TCF7L1: variants seen among roughly 807,000 people sequenced by gnomAD.
TCF7L1 encodes the protein transcription factor 7-like 1.
A neutral mutation model predicts 63.7 loss-of-function variants in TCF7L1; 18 were observed. The ratio of observed to expected loss-of-function variants is 0.28; its 90% CI spans 0.20 to 0.42. TCF7L1 has a LOEUF of 0.42. Among genes scored for constraint, TCF7L1 ranks in the 10% least tolerant of loss-of-function variants. The pLI, the probability that TCF7L1 is intolerant of heterozygous loss-of-function variation, is 1.00. For missense variants in TCF7L1, 654 were observed against 779.3 expected, an observed-to-expected ratio of 0.84 and a Z score of 1.91; for synonymous variants, 355 against 340.9, an observed-to-expected ratio of 1.04 and a Z score of -0.46.
intron 4 of TCF7L1, 131 bp downstream of exon 4, chr2:85,283,709 G>A (rs1681477628): frequency 2.1e-6 from 2 of 954,712 alleles, no homozygotes; most frequent in East Asian, 2.4e-5. Flanking sequence ...GTACAGTGAG[G>A]AAGAGCTGAG....
intron 3 of TCF7L1, among the ~76,000 whole-genome samples, chr2:85,244,167 T>G (rs899372498): frequency 6.6e-6 from 1 of 150,846 alleles, no homozygotes. Context: ...TGGAGCAGAG[T>G]GGGCAAGGCT....
chr2:85,258,970 G>A (rs1459187869), intron 3 of TCF7L1, among the ~76,000 whole-genome samples: 2 of 152,140 alleles, frequency 1.3e-5, no homozygotes, highest in Admixed American at 6.5e-5. Flanking sequence ...TGTACTCTTC[G>A]AGGTCTACCT....
chr2:85,310,170 C>T lies in TCF7L1; in HGVS notation c.*708C>T, dbSNP rs1271575491. The T allele has an allele frequency of 6.5e-6, 1 of 152,672 alleles. No homozygotes were observed. Among genetic ancestry groups the T allele is most frequent in the African/African-American group, 2.4e-5 (1 of 41,474 alleles). 9.5% of individuals were successfully genotyped at this position (152,672 alleles called of 1,614,324 possible). A position where few individuals can be genotyped will look rare whatever the true frequency, so the allele number is the denominator to read the frequency against. On this transcript the variant is annotated 3_prime_UTR_variant, in exon 12 of 12. Transcript: ENST00000282111. ...AGTGGCGATCATCCCTTCACAATCC[C>T]AGAGTGGCAGGCGGGACCGGCCCCA...
At chr2:85,250,276 T>A (rs1345505256) in intron 3 of TCF7L1, among the ~76,000 whole-genome samples, 1 of 152,186 alleles carries the variant, frequency 6.6e-6, no homozygotes, top group Non-Finnish European at 1.5e-5. Flanking sequence ...CAGTGCCAGC[T>A]GCTCTGGTCC....
intron 3 of TCF7L1, among the ~76,000 whole-genome samples, chr2:85,234,411 T>C (rs940867049): frequency 6.6e-6 from 1 of 152,112 alleles, no homozygotes; most frequent in African/African-American, 2.4e-5. Flanking sequence ...TGGGATTACA[T>C]GTGTGAGGCA....
intron 3 of TCF7L1, among the ~76,000 whole-genome samples, chr2:85,143,667 C>G (rs1677798108): frequency 6.6e-6 from 1 of 152,182 alleles, no homozygotes; most frequent in Non-Finnish European, 1.5e-5. Flanking sequence ...TCTAGGTCTC[C>G]CATTCTACCC....
chr2:85,187,666 T>A (rs1011044009), intron 3 of TCF7L1, among the ~76,000 whole-genome samples: 1 of 152,256 alleles, frequency 6.6e-6, no homozygotes, highest in Non-Finnish European at 1.5e-5. Flanking sequence ...TTCTCTATTG[T>A]GTTCCATTGA....
At chr2:85,285,190 G>T (rs1475094439) in intron 4 of TCF7L1, among the ~76,000 whole-genome samples, 2 of 151,794 alleles carry the variant, frequency 1.3e-5, no homozygotes, top group East Asian at 1.9e-4. Flanking sequence ...CCGAGATCGC[G>T]CCACTGCACT....
intron 3 of TCF7L1, among the ~76,000 whole-genome samples, chr2:85,182,773 C>G (rs1678833695): frequency 6.6e-6 from 1 of 152,256 alleles, no homozygotes; most frequent in African/African-American, 2.4e-5. Context: ...ACTGCCTGTT[C>G]ATTCAGGAAC....
At position 85,137,416 on chromosome 2, in the gene TCF7L1, T is replaced by G. The variant is rs187998848; in HGVS notation, c.441+2966T>G. On this transcript the variant is annotated intron_variant, in intron 3 of 11. Transcript: ENST00000282111. ...GAGAAGAGGTCCCCTCAGCATGGGA[T>G]GTGGGCCAAGTCTCTGTGAGCTGCA... 2.0e-3 allele frequency among the ~76,000 whole-genome samples: 311 copies of G among 152,312 alleles called. 1 individual carries two copies. Among genetic ancestry groups the G allele is most frequent in the African/African-American group, 6.6e-3 (275 of 41,568 alleles).
chr2:85,236,338 G>A (rs1449407075), intron 3 of TCF7L1, among the ~76,000 whole-genome samples: 1 of 152,100 alleles, frequency 6.6e-6, no homozygotes, highest in African/African-American at 2.4e-5. Context: ...AGATGACCTG[G>A]GTCACCATGG....
At chr2:85,282,794 TTG>T (rs59628868) in intron 3 of TCF7L1, among the ~76,000 whole-genome samples, 7,671 of 119,122 alleles carry the variant, frequency 0.064, 195 homozygotes, top group African/African-American at 0.084. Flanking sequence ...GAGAGAGAGA[TTG>T]TGTGTGTGTG....
intron 3 of TCF7L1, among the ~76,000 whole-genome samples, chr2:85,164,337 G>A (rs1260532458): frequency 1.3e-5 from 2 of 152,194 alleles, no homozygotes; most frequent in Non-Finnish European, 1.5e-5. Context: ...GAAGGGAGAG[G>A]TGAACTGTGA....
chr2:85,145,089 G>C (rs984981977), intron 3 of TCF7L1, among the ~76,000 whole-genome samples: 2 of 150,608 alleles, frequency 1.3e-5, no homozygotes, highest in Admixed American at 1.3e-4. Flanking sequence ...AAGAAATCAT[G>C]ACATTCCATA....
At chr2:85,249,292 G>C (rs911793993) in intron 3 of TCF7L1, among the ~76,000 whole-genome samples, 3 of 152,222 alleles carry the variant, frequency 2.0e-5, no homozygotes, top group African/African-American at 7.2e-5. Flanking sequence ...TCGCTGGCCT[G>C]TGCTGGTGTG....
At chr2:85,193,391 G>A (rs781247714) in intron 3 of TCF7L1, among the ~76,000 whole-genome samples, 5 of 152,128 alleles carry the variant, frequency 3.3e-5, no homozygotes, top group Non-Finnish European at 5.9e-5. Context: ...TTGCTCTAAA[G>A]GGCATTATTA....
chr2:85,134,294 G>A lies in TCF7L1; in HGVS notation c.314-29G>A. 6.4e-7 allele frequency: 1 copy of A among 1,564,030 alleles called. No individual in the cohort carries two copies. The highest frequency in any genetic ancestry group is 8.7e-7 in the Non-Finnish European group (1 of 1,153,912). On this transcript the variant is annotated intron_variant, in intron 2 of 11. Transcript: ENST00000282111. The surrounding 1 kb of genome is among the most constrained non-coding windows in gnomAD (Gnocchi z 5.0). ...GGCGCTGTCAGTCCCGGGGGCCTGG[G>A]CCTCACCTCGCCTTGGTCTTGTTCG...
intron 3 of TCF7L1, among the ~76,000 whole-genome samples, chr2:85,251,893 G>A (rs1276815520): frequency 6.6e-6 from 1 of 152,112 alleles, no homozygotes; most frequent in Non-Finnish European, 1.5e-5. Context: ...GGGTAACACA[G>A]CAAAACCCCA....
chr2:85,258,482 A>G (rs1468243232), intron 3 of TCF7L1, among the ~76,000 whole-genome samples: 2 of 152,102 alleles, frequency 1.3e-5, no homozygotes, highest in South Asian at 2.1e-4. Flanking sequence ...GGATGTTTCC[A>G]TGTGTGGTCC....
Sources: allele counts gnomAD v4.1 joint callset (sites outside exome capture counted in the v4.1 genomes callset), GRCh38; gene constraint gnomAD v4.1.1; non-coding constraint Gnocchi (gnomAD v3.1); transcripts MANE v1.5; gene names NCBI Gene and HGNC (gene_info 2026-07-23, HGNC 2026-07-21).